DGKI: variants seen among roughly 807,000 people sequenced by gnomAD.
DGKI encodes diacylglycerol kinase iota.
A neutral mutation model predicts 147.5 loss-of-function variants in DGKI; 55 were observed. The observed-to-expected ratio is 0.37, with a 90% CI of 0.30 to 0.47. The LOEUF (loss-of-function observed/expected upper bound fraction) is 0.47, where lower values mean the gene tolerates loss of function less well. Ranked by LOEUF, DGKI falls within the 20% of genes least tolerant of loss-of-function variation. The pLI is 1.00. For synonymous variants in DGKI, 469 were observed against 477.1 expected (o/e 0.98, Z 0.22); for missense variants, 1,007 against 1,323.8 (o/e 0.76, Z 3.71).
chr7:137,648,178 C>A (rs1359163576), intron 5 of DGKI, among the ~76,000 whole-genome samples: 2 of 152,080 alleles, frequency 1.3e-5, no homozygotes, highest in African/African-American at 4.8e-5. Context: ...GTTAGTGTAG[C>A]AGAAGCCGAG....
chr7:137,631,206 T>C (rs554542032), intron 6 of DGKI, among the ~76,000 whole-genome samples: 3 of 152,226 alleles, frequency 2.0e-5, no homozygotes, highest in Non-Finnish European at 4.4e-5. Context: ...TTCCTTTTTG[T>C]GTAAACATAG....
intron 20 of DGKI, among the ~76,000 whole-genome samples, chr7:137,538,183 A>G (rs558857016): frequency 1.3e-5 from 2 of 152,304 alleles, no homozygotes; most frequent in South Asian, 2.1e-4. Flanking sequence ...GTTTTCTTCA[A>G]TTGTGAAGAT....
At chr7:137,471,691 A>G (rs1814895923) in intron 23 of DGKI, among the ~76,000 whole-genome samples, 1 of 151,940 alleles carries the variant, frequency 6.6e-6, no homozygotes, top group African/African-American at 2.4e-5. Flanking sequence ...TAAACTAGAA[A>G]CCTGGAGTGT....
intron 23 of DGKI, among the ~76,000 whole-genome samples, chr7:137,479,077 G>T (rs1328780889): frequency 1.3e-5 from 2 of 152,032 alleles, no homozygotes; most frequent in Non-Finnish European, 2.9e-5. Flanking sequence ...CTCTCAAATT[G>T]CATGATCAAA....
intron 23 of DGKI, among the ~76,000 whole-genome samples, chr7:137,475,348 T>C (rs1815133318): frequency 6.6e-6 from 1 of 152,146 alleles, no homozygotes; most frequent in Admixed American, 6.6e-5. Context: ...GTGCCTCTGT[T>C]CACAACATTA....
At chr7:137,640,542 A>C (rs192402385) in intron 6 of DGKI, among the ~76,000 whole-genome samples, 1 of 152,254 alleles carries the variant, frequency 6.6e-6, no homozygotes. Flanking sequence ...GAGTGCATGG[A>C]TCCTCACCCT....
intron 19 of DGKI, among the ~76,000 whole-genome samples, chr7:137,567,380 C>T (rs1818625947): frequency 1.3e-5 from 2 of 151,656 alleles, no homozygotes; most frequent in South Asian, 4.2e-4. Flanking sequence ...GAAAGCCAGA[C>T]ATTATATATT....
intron 17 of DGKI, among the ~76,000 whole-genome samples, chr7:137,576,043 C>CTTT (rs1386281275): frequency 7.4e-6 from 1 of 135,070 alleles, no homozygotes; most frequent in Non-Finnish European, 1.6e-5. Context: ...TTTTCTTTTT[C>CTTT]TTTTTTTTTT....
chr7:137,486,484 T>C (rs1815564763), intron 22 of DGKI, among the ~76,000 whole-genome samples: 1 of 152,134 alleles, frequency 6.6e-6, no homozygotes. Flanking sequence ...TGGGAACATA[T>C]TAACAGAATT....
chr7:137,782,492 C>G (rs1213491503), intron 1 of DGKI, among the ~76,000 whole-genome samples: 1 of 152,142 alleles, frequency 6.6e-6, no homozygotes, highest in Admixed American at 6.5e-5. Context: ...CCTGCCCTCA[C>G]CTAGTGGTCT....
At chr7:137,413,498 A>G (rs973479543) in intron 28 of DGKI, among the ~76,000 whole-genome samples, 2 of 152,060 alleles carry the variant, frequency 1.3e-5, no homozygotes, top group African/African-American at 4.8e-5. Flanking sequence ...TGAGTACCCA[A>G]GATTTAGCTC....
intron 6 of DGKI, among the ~76,000 whole-genome samples, chr7:137,624,446 A>C (rs548209265): frequency 6.6e-6 from 1 of 152,358 alleles, no homozygotes; most frequent in African/African-American, 2.4e-5. Flanking sequence ...CTGGCTAAGT[A>C]AGTCTGGCTT....
At chr7:137,591,647 T>C (rs1367899734) in intron 12 of DGKI, among the ~76,000 whole-genome samples, 4 of 152,212 alleles carry the variant, frequency 2.6e-5, no homozygotes, top group Non-Finnish European at 5.9e-5. Context: ...TAAGCTCCCC[T>C]CACATCTGTA....
In DGKI at chr7:137,599,801, T is replaced by C. The variant is rs1006253728; in HGVS notation, c.1250+22A>G. ...ACTTGCCTAAAATACATATGGACCATGGAGAATATTTCCAGACTTACGCAT... is the reference window on the plus strand; with the variant it reads ...ACTTGCCTAAAATACATATGGACCACGGAGAATATTTCCAGACTTACGCAT... On this transcript the variant is annotated intron_variant, in intron 11 of 32. Transcript: ENST00000614521. The C allele has an allele frequency of 2.5e-6, 4 of 1,607,772 alleles. No homozygotes were observed. The Admixed American group carries it at 6.7e-5, about 27-fold the overall frequency.
chr7:137,522,764 T>A, intron 20 of DGKI, among the ~76,000 whole-genome samples: 1 of 152,146 alleles, frequency 6.6e-6, no homozygotes, highest in Non-Finnish European at 1.5e-5. Context: ...AGTGGTTTAA[T>A]CTTGGGCATT....
intron 3 of DGKI, among the ~76,000 whole-genome samples, chr7:137,673,859 T>C (rs1382237579): frequency 6.6e-6 from 1 of 152,210 alleles, no homozygotes; most frequent in Non-Finnish European, 1.5e-5. Flanking sequence ...CATGTTTGTA[T>C]AGCCTAGCCC....
intron 1 of DGKI, among the ~76,000 whole-genome samples, chr7:137,779,605 A>G (rs1796459225): frequency 6.6e-6 from 1 of 152,156 alleles, no homozygotes; most frequent in Non-Finnish European, 1.5e-5. Flanking sequence ...TCCTGCAACT[A>G]CTAATAAACA....
intron 28 of DGKI, among the ~76,000 whole-genome samples, chr7:137,424,296 A>G (rs1274558929): frequency 1.3e-5 from 2 of 152,246 alleles, no homozygotes; most frequent in African/African-American, 4.8e-5. Flanking sequence ...AATTATATTT[A>G]TTAAAGATCA....
intron 1 of DGKI, among the ~76,000 whole-genome samples, chr7:137,749,266 G>A (rs1795429486): frequency 6.6e-6 from 1 of 152,054 alleles, no homozygotes; most frequent in Admixed American, 6.5e-5. Context: ...AAAGGCAAGG[G>A]CAGCACCCTA....
Sources: allele counts gnomAD v4.1 joint callset (sites outside exome capture counted in the v4.1 genomes callset), GRCh38; gene constraint gnomAD v4.1.1; transcripts MANE v1.5; gene names NCBI Gene and HGNC (gene_info 2026-07-23, HGNC 2026-07-21).